RGS7: variants seen among roughly 807,000 people sequenced by gnomAD.
RGS7 encodes regulator of G protein signaling 7, also known as regulator of G-protein signaling 7.
In RGS7, 27 loss-of-function variants were observed where a neutral mutation model predicts 81.1. That is an observed-to-expected ratio of 0.33 (90% CI 0.25 to 0.46). The LOEUF (loss-of-function observed/expected upper bound fraction) is 0.46, where lower values mean the gene tolerates loss of function less well. RGS7 is among the 20% of genes least tolerant of loss of function. RGS7 has a pLI of 1.00. For missense variants in RGS7, 396 were observed against 607.4 expected (o/e 0.65, Z 3.66); for synonymous variants, 208 against 207.7 (o/e 1.00, Z -0.01).
At chr1:240,956,924 C>T (rs78002654) in intron 4 of RGS7, among the ~76,000 whole-genome samples, 6,840 of 151,774 alleles carry the variant, frequency 0.045, 173 homozygotes, top group African/African-American at 0.07. Flanking sequence ...CTCCTCAAAA[C>T]GGTTAAGGCC....
chr1:240,882,459 A>C (rs1666569853), intron 6 of RGS7, among the ~76,000 whole-genome samples: 1 of 152,180 alleles, frequency 6.6e-6, no homozygotes, highest in African/African-American at 2.4e-5. Context: ...CAATCCAAGG[A>C]AGAAGCTACT....
chr1:241,100,374 CAAAAAAAAAAA>C (rs753787286), intron 2 of RGS7, among the ~76,000 whole-genome samples: 1 of 80,492 alleles, frequency 1.2e-5, no homozygotes, highest in Non-Finnish European at 2.5e-5. Flanking sequence ...GACTCCATTT[CAAAAAAAAAAA>C]AAAAAAAAAA....
intron 2 of RGS7, among the ~76,000 whole-genome samples, chr1:241,132,545 C>T (rs995586511): frequency 1.3e-5 from 2 of 151,896 alleles, no homozygotes; most frequent in African/African-American, 2.4e-5. Flanking sequence ...AAACAAACCC[C>T]ACAACGAAAT....
chr1:241,138,735 C>A lies in RGS7; in HGVS notation c.79-39973G>T, dbSNP rs140224939. ...TTAGAAGTTCTCTTCAAAAATATTT[C>A]TTTAAAAGCTTTGAGGGCTATTTCC... On this transcript the variant is annotated intron_variant, in intron 2 of 18. Transcript: ENST00000440928. Among the ~76,000 whole-genome samples the A allele has an allele frequency of 9.8e-5, 15 of 152,288 alleles. No homozygotes were observed. In the East Asian group the frequency reaches 2.9e-3, roughly 29 times the overall value.
intron 2 of RGS7, among the ~76,000 whole-genome samples, chr1:241,259,667 A>AAAAT: frequency 1.8e-4 from 9 of 49,110 alleles, no homozygotes; most frequent in Admixed American, 1.2e-3. Context: ...AAAAAAAAAA[A>AAAAT]ATATATATAT....
intron 2 of RGS7, among the ~76,000 whole-genome samples, chr1:241,188,028 A>G (rs1010216593): frequency 2.0e-5 from 3 of 152,326 alleles, no homozygotes; most frequent in African/African-American, 7.2e-5. Flanking sequence ...GTGTCAGCAG[A>G]GTAGGGTAAT....
intron 6 of RGS7, among the ~76,000 whole-genome samples, chr1:240,893,734 T>C (rs1176203024): frequency 6.6e-6 from 1 of 152,204 alleles, no homozygotes; most frequent in South Asian, 2.1e-4. Flanking sequence ...GCAACTTCCA[T>C]TGCAATTTCT....
intron 9 of RGS7, among the ~76,000 whole-genome samples, chr1:240,836,869 G>A (rs1415467968): frequency 1.3e-5 from 2 of 152,170 alleles, no homozygotes; most frequent in East Asian, 3.9e-4. Flanking sequence ...CAGAGTCTCT[G>A]CTACACTTTC....
intron 2 of RGS7, among the ~76,000 whole-genome samples, chr1:241,333,634 G>C (rs922776755): frequency 6.6e-6 from 1 of 152,016 alleles, no homozygotes; most frequent in Non-Finnish European, 1.5e-5. Flanking sequence ...TCTTAGATAC[G>C]GCACTCTTTT....
intron 3 of RGS7, among the ~76,000 whole-genome samples, chr1:241,071,706 C>CA: frequency 6.7e-6 from 1 of 150,348 alleles, no homozygotes; most frequent in South Asian, 2.1e-4. Flanking sequence ...ACTATCTCTA[C>CA]AAAAAAATTT....
At chr1:241,069,870 T>C (rs1172280381) in intron 3 of RGS7, among the ~76,000 whole-genome samples, 1 of 152,236 alleles carries the variant, frequency 6.6e-6, no homozygotes, top group African/African-American at 2.4e-5. Context: ...TTATATGTCA[T>C]GAATTCCTTC....
chr1:240,967,577 G>C lies in RGS7; in HGVS notation c.226+15502C>G, dbSNP rs990694897. On this transcript the variant is annotated intron_variant, in intron 4 of 18. Coordinates refer to ENST00000440928, the MANE Select transcript of RGS7 (RefSeq NM_001364886.1). ...TGATTGTGCCAAGAAGTGGGGGGGG[G>C]GGGGAAAAGGCTGTAGCAAGAGTAT... 2.1e-4 allele frequency among the ~76,000 whole-genome samples: 27 copies of C among 130,706 alleles called. 1 individual carries two copies. Among genetic ancestry groups the C allele is most frequent in the African/African-American group, 6.4e-4 (24 of 37,306 alleles). The allele number at this position is 130,706 out of a possible 152,430, so 85.7% of individuals were successfully genotyped here. A position where few individuals can be genotyped will look rare whatever the true frequency, so the allele number is the denominator to read the frequency against.
At chr1:241,253,950 C>A (rs972260816) in intron 2 of RGS7, among the ~76,000 whole-genome samples, 2 of 152,040 alleles carry the variant, frequency 1.3e-5, no homozygotes, top group African/African-American at 4.8e-5. Flanking sequence ...GAGCAGTAGG[C>A]AGAGGTTATT....
At chr1:241,052,443 C>G (rs2061300948) in intron 3 of RGS7, among the ~76,000 whole-genome samples, 1 of 152,098 alleles carries the variant, frequency 6.6e-6, no homozygotes, top group African/African-American at 2.4e-5. Context: ...GAAGGCCGAG[C>G]AGTATGGGAA....
intron 6 of RGS7, among the ~76,000 whole-genome samples, chr1:240,900,021 CCATTT>C (rs546164556): frequency 1.0e-3 from 158 of 152,196 alleles, no homozygotes; most frequent in African/African-American, 3.7e-3. Context: ...TCTTCTCGCT[CCATTT>C]CATTCATTTG....
intron 2 of RGS7, among the ~76,000 whole-genome samples, chr1:241,280,259 C>T (rs959224756): frequency 1.3e-5 from 2 of 152,142 alleles, no homozygotes; most frequent in African/African-American, 4.8e-5. Flanking sequence ...GGTGATGCAC[C>T]TACAAGCCAA....
intron 3 of RGS7, among the ~76,000 whole-genome samples, chr1:241,039,231 C>T (rs2060483111): frequency 6.6e-6 from 1 of 152,158 alleles, no homozygotes; most frequent in Non-Finnish European, 1.5e-5. Flanking sequence ...TTCACTTTTC[C>T]TAATTGGAAT....
Position 241,164,364 on chromosome 1 carries a change from C to T in RGS7, c.79-65602G>A, listed in dbSNP as rs1454846687. ...CTTAACCTTCAGCCCCTTTCCCCTC[C>T]TTGGAAGTTGAGGGGTAGGGCTGAA... On this transcript the variant is annotated intron_variant, in intron 2 of 18. Transcript: ENST00000440928. This position sits in a 1 kb window ranked among gnomAD's most constrained non-coding sequence, Gnocchi z 4.1. 6.6e-6 allele frequency among the ~76,000 whole-genome samples: 1 copy of T among 151,706 alleles called. No individual in the cohort carries two copies. Among genetic ancestry groups the T allele is most frequent in the African/African-American group, 2.4e-5 (1 of 41,272 alleles).
intron 9 of RGS7, among the ~76,000 whole-genome samples, chr1:240,864,987 ACT>A (rs1056436054): frequency 2.2e-4 from 33 of 147,760 alleles, no homozygotes; most frequent in Admixed American, 6.7e-4. Context: ...TTTTTTTGCT[ACT>A]CTCTGTTTCT....
Sources: allele counts gnomAD v4.1 joint callset (sites outside exome capture counted in the v4.1 genomes callset), GRCh38; gene constraint gnomAD v4.1.1; non-coding constraint Gnocchi (gnomAD v3.1); transcripts MANE v1.5; gene names NCBI Gene and HGNC (gene_info 2026-07-23, HGNC 2026-07-21).